Variants in IQSEC2 observed in about 807,000 individuals in gnomAD.
The protein encoded by IQSEC2 is IQ motif and SEC7 domain-containing protein 2.
A neutral mutation model predicts 74.6 loss-of-function variants in IQSEC2; 6 were observed. That is an observed-to-expected ratio of 0.08 (90% CI 0.04 to 0.16). The LOEUF (loss-of-function observed/expected upper bound fraction) is 0.16. IQSEC2 is among the 10% of genes least tolerant of loss of function. The pLI, the probability that IQSEC2 is intolerant of heterozygous loss-of-function variation, is 1.00. For synonymous variants in IQSEC2, 494 were observed against 544.5 expected (o/e 0.91, Z 1.29); for missense variants, 734 against 1,306.2 (o/e 0.56, Z 6.75).
intron 2 of IQSEC2, among the ~76,000 whole-genome samples, chrX:53,256,506 C>CCCAGT (rs1556865308): frequency 9.0e-6 from 1 of 110,972 alleles, no homozygotes; most frequent in African/African-American, 3.3e-5. Context: ...TGATTTCCCT[C>CCCAGT]CCAGTCCGAT....
intron 2 of IQSEC2, among the ~76,000 whole-genome samples, chrX:53,283,715 G>A (rs970390116): frequency 2.7e-5 from 3 of 111,896 alleles, no homozygotes; most frequent in Non-Finnish European, 5.6e-5. Context: ...ACCCAGCCAC[G>A]GGACACTGGC....
intron 12 of IQSEC2, chrX:53,237,611 G>C (rs1556860031): frequency 7.4e-6 from 1 of 135,756 alleles, no homozygotes. Context: ...GGGCTGAGAG[G>C]ATAGCCCACT....
At chrX:53,291,846 C>T in intron 2 of IQSEC2, 49 bp downstream of exon 2, 3 of 1,118,620 alleles carry the variant, frequency 2.7e-6, no homozygotes, top group Non-Finnish European at 3.6e-6. Context: ...GCCCCCACCC[C>T]AGGCCCTGCC....
At chrX:53,263,271 C>T (rs1245840955) in intron 2 of IQSEC2, among the ~76,000 whole-genome samples, 1 of 111,590 alleles carries the variant, frequency 9.0e-6, no homozygotes, top group Non-Finnish European at 1.9e-5. Flanking sequence ...TGTGGCTAGC[C>T]AAGGGTGGCA....
downstream of IQSEC2, chrX:53,230,446 C>T (rs1015646974): frequency 1.8e-5 from 2 of 112,991 alleles, no homozygotes; most frequent in South Asian, 3.6e-4. Context: ...AGCCATGTTT[C>T]GAGTGCTCAG....
chrX:53,267,037 C>T, intron 2 of IQSEC2: 1 of 1,154,391 alleles, frequency 8.7e-7, no homozygotes, highest in South Asian at 1.9e-5. Context: ...CTTCCTCTTC[C>T]TCAGTCTCCT....
intron 4 of IQSEC2, 94 bp downstream of exon 4, chrX:53,254,436 C>T (rs1172805785): frequency 8.1e-6 from 7 of 866,923 alleles, no homozygotes; most frequent in African/African-American, 2.0e-5. Context: ...ATGCCTGTCA[C>T]GCAACTTCTT....
intron 2 of IQSEC2, among the ~76,000 whole-genome samples, chrX:53,265,039 T>C (rs1042065504): frequency 2.7e-5 from 3 of 111,339 alleles, no homozygotes; most frequent in African/African-American, 9.8e-5. Flanking sequence ...GGGCTAGGAT[T>C]ACAGGTGTGA....
chrX:53,267,453 A>G (rs1203647891), intron 2 of IQSEC2, among the ~76,000 whole-genome samples: 1 of 112,200 alleles, frequency 8.9e-6, no homozygotes, highest in Non-Finnish European at 1.9e-5. Context: ...TGAGGGAATT[A>G]AAACTCAGAA....
intron 2 of IQSEC2, chrX:53,267,012 G>C: frequency 8.7e-7 from 1 of 1,154,868 alleles, no homozygotes; most frequent in East Asian, 3.3e-5. Context: ...CAGCAGAACT[G>C]GTGAGCGTCT....
intron 1 of IQSEC2, among the ~76,000 whole-genome samples, chrX:53,293,585 C>G (rs1462913656): frequency 8.9e-6 from 1 of 112,063 alleles, no homozygotes; most frequent in African/African-American, 3.2e-5. Context: ...CAGATGCCTA[C>G]AGAACTGAGG....
At chrX:53,272,967 A>G (rs1052619567) in intron 2 of IQSEC2, among the ~76,000 whole-genome samples, 2 of 111,586 alleles carry the variant, frequency 1.8e-5, no homozygotes, top group Admixed American at 9.6e-5. Flanking sequence ...TACATGCATT[A>G]TCTCCAATCC....
chrX:53,279,703 G>A (rs782275479), intron 2 of IQSEC2: 1 of 885,579 alleles, frequency 1.1e-6, no homozygotes, highest in Admixed American at 2.4e-5. Flanking sequence ...AGAGAGACAG[G>A]GAGGGAGGGA....
chrX:53,308,918 C>T (rs2075293707), intron 1 of IQSEC2, among the ~76,000 whole-genome samples: 1 of 107,991 alleles, frequency 9.3e-6, no homozygotes, highest in African/African-American at 3.4e-5. Flanking sequence ...GGCAACATAG[C>T]GAGACCCCGT....
intron 8 of IQSEC2, among the ~76,000 whole-genome samples, chrX:53,246,728 A>G (rs1202969943): frequency 1.8e-5 from 2 of 112,250 alleles, no homozygotes; most frequent in African/African-American, 3.2e-5. Context: ...TTAATCTATC[A>G]TGTTCACTGC....
intron 2 of IQSEC2, among the ~76,000 whole-genome samples, chrX:53,274,175 T>C (rs1470896092): frequency 9.0e-6 from 1 of 111,552 alleles, no homozygotes; most frequent in Admixed American, 9.6e-5. Flanking sequence ...CTGGCTTATG[T>C]TTGCAGTTTG....
Position 53,251,150 on chromosome X carries a change from C to T in IQSEC2, c.1426G>A (p.Asp476Asn), listed in dbSNP as rs200182557. The T allele has an allele frequency of 5.8e-6, 7 of 1,208,102 alleles. No homozygotes were observed. The highest frequency in any genetic ancestry group is 1.8e-5 in the African/African-American group (1 of 56,558). The change falls in exon 5 of 15, where the codon GAC becomes AAC. Residue 476 changes from aspartate (D) to asparagine (N), a missense_variant. Physicochemically the swap from Asp to Asn is conservative, Grantham distance 23 (BLOSUM62 1). Around this residue, in one of 12 missense-constraint regions of IQSEC2, gnomAD observed 204 missense variants for 305.4 expected, o/e 0.67. Transcript: ENST00000642864. ...GACGGGTGGCAGTTCAGGGCTTCGT[C>T]GATGGATTCAGCCAGAGACTTTACC... ...KQVKSLAESI[D>N]EALNCHPSGP...
intron 2 of IQSEC2, chrX:53,281,458 G>C (rs1556870836): frequency 5.9e-6 from 5 of 841,637 alleles, no homozygotes; most frequent in Non-Finnish European, 8.6e-6. Flanking sequence ...GCCTGGGCAG[G>C]AAGGGAGGGG....
At chrX:53,282,071 T>A (rs1446701447) in intron 2 of IQSEC2, among the ~76,000 whole-genome samples, 1 of 112,581 alleles carries the variant, frequency 8.9e-6, no homozygotes, top group African/African-American at 3.2e-5. Flanking sequence ...GGACTCTGCA[T>A]ATTAAGTGCA....
Sources: allele counts gnomAD v4.1 joint callset (sites outside exome capture counted in the v4.1 genomes callset), GRCh38; gene constraint gnomAD v4.1.1; regional missense constraint gnomAD v4.1.1; transcripts MANE v1.5; gene names NCBI Gene and HGNC (gene_info 2026-07-23, HGNC 2026-07-21).